HUWE1: variants seen among roughly 807,000 people sequenced by gnomAD.
The protein encoded by HUWE1 is HECT, UBA and WWE domain containing E3 ubiquitin protein ligase 1.
A neutral mutation model predicts 299.4 loss-of-function variants in HUWE1; 18 were observed. That is an observed-to-expected ratio of 0.06 (90% CI 0.04 to 0.09). The LOEUF is 0.09. HUWE1 is among the 10% of genes least tolerant of loss of function. The pLI is 1.00. For synonymous variants in HUWE1, 1,317 were observed against 1,286.1 expected, an observed-to-expected ratio of 1.02 and a Z score of -0.51; for missense variants, 1,832 against 3,462.3, an observed-to-expected ratio of 0.53 and a Z score of 11.82.
In HUWE1 at chrX:53,548,060, C is replaced by T. The variant is rs782460025; in HGVS notation, c.10249G>A (p.Gly3417Ser). The change falls in exon 68 of 84, where the codon GGT becomes AGT. Residue 3417 changes from glycine to serine, a missense_variant. By Grantham distance (56) the Gly-to-Ser change is moderately conservative. Around this residue, in one of 15 missense-constraint regions of HUWE1, gnomAD observed 119 missense variants for 124.6 expected, o/e 0.96. Coordinates refer to ENST00000262854, the MANE Select transcript of HUWE1 (RefSeq NM_031407.7). Reference sequence around the variant, plus strand: ...CTGTATGGAGAGGTTTCCCCCTCACCGCCAGCGCTCACTGGCACTGACTTC... The same window carrying T: ...CTGTATGGAGAGGTTTCCCCCTCACTGCCAGCGCTCACTGGCACTGACTTC... The part of the protein sequence containing the change: ...SVKSVPVSAG[G>S]EGETSPYSLE... 1.3e-5 allele frequency: 16 copies of T among 1,209,397 alleles called. No homozygotes were observed. Among genetic ancestry groups the T allele is most frequent in the East Asian group, 5.9e-5 (2 of 33,750 alleles).
intron 19 of HUWE1, among the ~76,000 whole-genome samples, chrX:53,623,339 A>G (rs1317708349): frequency 9.0e-6 from 1 of 110,862 alleles, no homozygotes; most frequent in Non-Finnish European, 1.9e-5. Context: ...TGGCCTTGAG[A>G]CGTCCCCACC....
chrX:53,635,479 G>A lies in HUWE1; in HGVS notation c.505-1181C>T, dbSNP rs1427037846. Reference sequence around the variant, plus strand: ...GACTACAGGCATATGCTGCCACCACGCCAGGCTACATTTTAAAAATGTTTG... The same window carrying A: ...GACTACAGGCATATGCTGCCACCACACCAGGCTACATTTTAAAAATGTTTG... On this transcript the variant is annotated intron_variant, in intron 7 of 83. Coordinates refer to ENST00000262854, the MANE Select transcript of HUWE1 (RefSeq NM_031407.7). 8.2e-5 allele frequency among the ~76,000 whole-genome samples: 9 copies of A among 109,858 alleles called. 1 individual carries two copies. The highest frequency in any genetic ancestry group is 5.9e-4 in the Admixed American group (6 of 10,240).
intron 3 of HUWE1, among the ~76,000 whole-genome samples, chrX:53,679,720 G>C (rs2070030026): frequency 8.9e-6 from 1 of 112,012 alleles, no homozygotes. Context: ...GTAAGTGGGG[G>C]GATTATTATA....
At chrX:53,627,226 TTTTC>T (rs2066572052) in intron 17 of HUWE1, among the ~76,000 whole-genome samples, 180 bp downstream of exon 17, 1 of 111,854 alleles carries the variant, frequency 8.9e-6, no homozygotes, top group African/African-American at 3.3e-5. Flanking sequence ...AGTACCTTTC[TTTTC>T]TTATTATCTT....
chrX:53,616,890 C>T (rs1336372151), intron 21 of HUWE1, 80 bp downstream of exon 21: 16 of 857,391 alleles, frequency 1.9e-5, no homozygotes, highest in Middle Eastern at 2.9e-4. Flanking sequence ...ACCAGTAAAA[C>T]GATGAGAGAG....
chrX:53,577,450 G>A (rs1396194171), intron 43 of HUWE1, among the ~76,000 whole-genome samples: 1 of 81,482 alleles, frequency 1.2e-5, no homozygotes, highest in East Asian at 3.9e-4. Flanking sequence ...CCTTCCCAAC[G>A]TTTTATTAAA....
chrX:53,617,041 C>T lies in HUWE1; in HGVS notation c.1886G>A (p.Arg629His), dbSNP rs2065844669. The T allele has an allele frequency of 8.3e-7, 1 of 1,207,487 alleles. No individual in the cohort carries two copies. The highest frequency in any genetic ancestry group is 1.8e-5 in the South Asian group (1 of 56,676). The change falls in exon 21 of 84, where the codon CGC (arginine) becomes CAC (histidine). Residue 629 changes from arginine to histidine, a missense_variant. Transcript: ENST00000262854. ...QSFVQCQPFE[R>H]LFKVLLSPDY... is the part of the protein sequence containing the mutation. ...TGGAGACAGAAGAACTTTGAAGAGG[C>T]GTTCAAAAGGCTGACACTGAACAAA... is the stretch of plus-strand genomic sequence containing the variant.
Position 53,594,436 on chromosome X carries a change from G to A in HUWE1, c.3503+63C>T, listed in dbSNP as rs956935297. The A allele has an allele frequency of 1.3e-5, 15 of 1,149,995 alleles. No homozygotes were observed. In the African/African-American group the frequency reaches 2.7e-4, roughly 21 times the overall value. The allele number at this position is 1,149,995 out of a possible 1,213,427, so 94.8% of individuals were successfully genotyped here. A position where few individuals can be genotyped will look rare whatever the true frequency, so the allele number is the denominator to read the frequency against. ...AGGGTACTTAAAAGCAGTGGGCTGG[G>A]AAGGCACACAGCAAAGATCAAACTC... is the stretch of plus-strand genomic sequence containing the variant. On this transcript the variant is annotated intron_variant, in intron 31 of 83. Coordinates refer to ENST00000262854, the MANE Select transcript of HUWE1 (RefSeq NM_031407.7).
intron 7 of HUWE1, among the ~76,000 whole-genome samples, chrX:53,637,167 A>G: frequency 8.9e-6 from 1 of 112,366 alleles, no homozygotes; most frequent in East Asian, 2.8e-4. Flanking sequence ...TTTTTCTGCT[A>G]ATCTGAAATG....
In HUWE1 at chrX:53,627,395, A is replaced by G; in HGVS notation, c.1489+15T>C. 1 of 975,828 alleles carries G rather than the reference A, an allele frequency of 1.0e-6. No individual in the cohort carries two copies. The highest frequency in any genetic ancestry group is 1.5e-6 in the Non-Finnish European group (1 of 682,974). The allele number at this position is 975,828 out of a possible 1,213,427, so 80.4% of individuals were successfully genotyped here. ...TCTCAAGCACAAAAATACTGACTTA[A>G]TAACTGTTAATTACCATCCATATCA... On this transcript the variant is annotated intron_variant, in intron 17 of 83. Transcript: ENST00000262854.
rs782643422 is a variant in HUWE1 at position 53,589,535 on chromosome X, T to C, written c.4461+12A>G. ...TCACATACTCCCCTCTTCTGACCCC[T>C]TGAGAGCTCACCTGATTGACTACTT... On this transcript the variant is annotated intron_variant, in intron 36 of 83. Transcript: ENST00000262854. The C allele has an allele frequency of 2.5e-6, 3 of 1,209,892 alleles. No individual in the cohort carries two copies. In the Admixed American group the frequency reaches 6.5e-5, roughly 26 times the overall value.
At chrX:53,649,317 C>G (rs2068296163) in intron 4 of HUWE1, among the ~76,000 whole-genome samples, 1 of 111,876 alleles carries the variant, frequency 8.9e-6, no homozygotes, top group African/African-American at 3.3e-5. Context: ...AGACAGCATA[C>G]TATTAAAAAG....
At chrX:53,563,394 AG>A (rs1307981762) in intron 52 of HUWE1, among the ~76,000 whole-genome samples, 1 of 111,359 alleles carries the variant, frequency 9.0e-6, no homozygotes, top group East Asian at 2.8e-4. Context: ...ACTGAGACTC[AG>A]GGGCAGAAAG....
intron 70 of HUWE1, among the ~76,000 whole-genome samples, chrX:53,546,023 CAG>C (rs199582059): frequency 0.014 from 1,552 of 111,754 alleles, 9 homozygotes; most frequent in Non-Finnish European, 0.023. Context: ...TACACAAAAG[CAG>C]AGAGTACTAT....
At chrX:53,544,191 G>A (rs1258431752) in intron 72 of HUWE1, among the ~76,000 whole-genome samples, 2 of 111,998 alleles carry the variant, frequency 1.8e-5, no homozygotes, top group Non-Finnish European at 3.8e-5. Flanking sequence ...TGTGCGAGAG[G>A]GTTCTGTGGG....
intron 81 of HUWE1, among the ~76,000 whole-genome samples, chrX:53,535,044 C>G (rs1259383803): frequency 9.1e-6 from 1 of 109,908 alleles, no homozygotes; most frequent in Non-Finnish European, 1.9e-5. Context: ...TCAAGCAATT[C>G]TTCTGTCTCA....
At chrX:53,534,286 C>G (rs920847042) in intron 82 of HUWE1, 89 bp from the exon 83 acceptor site, 9 of 862,713 alleles carry the variant, frequency 1.0e-5, no homozygotes, top group Middle Eastern at 4.1e-4. Context: ...CAGGACTGGA[C>G]TTGGTATCTG....
chrX:53,609,697 G>A (rs1557000272), intron 23 of HUWE1, among the ~76,000 whole-genome samples: 1 of 112,074 alleles, frequency 8.9e-6, no homozygotes, highest in East Asian at 2.8e-4. Context: ...CCCCAGGAAG[G>A]AACAAATACT....
intron 82 of HUWE1, 111 bp downstream of exon 82, chrX:53,534,405 C>G (rs2060911615): frequency 2.7e-6 from 2 of 745,580 alleles, no homozygotes; most frequent in East Asian, 3.2e-5. Flanking sequence ...GGTAGACTGT[C>G]TTCTACATGC....
Sources: allele counts gnomAD v4.1 joint callset (sites outside exome capture counted in the v4.1 genomes callset), GRCh38; gene constraint gnomAD v4.1.1; regional missense constraint gnomAD v4.1.1; transcripts MANE v1.5; gene names NCBI Gene and HGNC (gene_info 2026-07-23, HGNC 2026-07-21).